The following OLA1 variants were observed in gnomAD, a reference collection of about 807,000 sequenced individuals.
OLA1 encodes obg-like ATPase 1.
OLA1 carries 14 observed loss-of-function variants against 48.4 expected under a neutral mutation model. That is an observed-to-expected ratio of 0.29 (90% CI 0.19 to 0.45). OLA1 has a LOEUF of 0.45. Among genes scored for constraint, OLA1 ranks in the 20% least tolerant of loss-of-function variants. The probability of loss-of-function intolerance (pLI) is 1.00; values close to 1 mark genes in which losing one functional copy is unlikely to be tolerated. For synonymous variants in OLA1, 127 were observed against 150.4 expected (o/e 0.84, Z 1.14); for missense variants, 325 against 467.1 (o/e 0.70, Z 2.80).
chr2:174,181,971 T>C (rs1687553764), intron 4 of OLA1, among the ~76,000 whole-genome samples: 2 of 152,226 alleles, frequency 1.3e-5, no homozygotes, highest in African/African-American at 2.4e-5. Flanking sequence ...GTTTCATTTG[T>C]TCACTATCAT....
intron 4 of OLA1, among the ~76,000 whole-genome samples, chr2:174,179,092 CTTAAG>C (rs750824321): frequency 3.3e-5 from 5 of 151,750 alleles, no homozygotes; most frequent in African/African-American, 4.8e-5. Context: ...AAAGATAATG[CTTAAG>C]TTAAAAGGAT....
intron 4 of OLA1, among the ~76,000 whole-genome samples, chr2:174,178,468 T>A (rs1405872270): frequency 6.6e-6 from 1 of 152,110 alleles, no homozygotes; most frequent in Admixed American, 6.5e-5. Flanking sequence ...CCTCAGTGAT[T>A]TGGAAAAGTA....
intron 5 of OLA1, among the ~76,000 whole-genome samples, chr2:174,137,740 T>C (rs1400309984): frequency 1.3e-5 from 2 of 152,250 alleles, no homozygotes; most frequent in East Asian, 1.9e-4. Flanking sequence ...ACTTTTCTTC[T>C]GCAGCTTCCT....
At chr2:174,122,922 T>C (rs1030198556) in intron 7 of OLA1, among the ~76,000 whole-genome samples, 1 of 152,162 alleles carries the variant, frequency 6.6e-6, no homozygotes, top group Non-Finnish European at 1.5e-5. Flanking sequence ...TAATGTCTAA[T>C]AAACTTACAT....
At chr2:174,144,056 A>G (rs1686522872) in intron 4 of OLA1, among the ~76,000 whole-genome samples, 1 of 152,192 alleles carries the variant, frequency 6.6e-6, no homozygotes. Context: ...AGCCATGATC[A>G]TGCCACTACA....
At chr2:174,095,065 G>A (rs895699733) in intron 7 of OLA1, among the ~76,000 whole-genome samples, 2 of 152,084 alleles carry the variant, frequency 1.3e-5, no homozygotes, top group Admixed American at 6.5e-5. Context: ...ATGGATATTT[G>A]GGTTGCTTCT....
At chr2:174,190,506 G>T (rs549438604) in intron 4 of OLA1, among the ~76,000 whole-genome samples, 45 of 151,708 alleles carry the variant, frequency 3.0e-4, no homozygotes, top group African/African-American at 1.1e-3. Flanking sequence ...CAAATATTGG[G>T]TTATTTGAAA....
intron 7 of OLA1, among the ~76,000 whole-genome samples, chr2:174,095,325 G>GTTTTTTTTTTTTTTTTTTTTTTTTTTT (rs1205716344): frequency 3.5e-4 from 27 of 78,010 alleles, no homozygotes; most frequent in African/African-American, 8.4e-4. Context: ...GTTATTTCCT[G>GTTTTTTTTTTTTTTTTTTTTTTTTTTT]TTTTTTTTTT....
At chr2:174,111,592 T>C (rs1262125940) in intron 7 of OLA1, among the ~76,000 whole-genome samples, 4 of 152,166 alleles carry the variant, frequency 2.6e-5, no homozygotes, top group Non-Finnish European at 4.4e-5. Flanking sequence ...CATGTACATA[T>C]ACATATACAT....
At chr2:174,138,157 C>T (rs552507716) in intron 5 of OLA1, among the ~76,000 whole-genome samples, 18 of 152,262 alleles carry the variant, frequency 1.2e-4, no homozygotes, top group Non-Finnish European at 5.9e-5. Context: ...ACCTGGCTTT[C>T]AGCCTATCTT....
intron 7 of OLA1, among the ~76,000 whole-genome samples, chr2:174,100,391 G>A (rs908929907): frequency 6.6e-6 from 1 of 152,040 alleles, no homozygotes; most frequent in African/African-American, 2.4e-5. Context: ...TACCTAGTAG[G>A]AAACAAGGAG....
chr2:174,225,234 CT>C (rs1688590217), intron 3 of OLA1, among the ~76,000 whole-genome samples: 1 of 152,142 alleles, frequency 6.6e-6, no homozygotes, highest in African/African-American at 2.4e-5. Flanking sequence ...ACCCACTCCC[CT>C]TTTCATCTTC....
At chr2:174,182,614 A>C (rs1309127127) in intron 4 of OLA1, among the ~76,000 whole-genome samples, 1 of 152,228 alleles carries the variant, frequency 6.6e-6, no homozygotes, top group Non-Finnish European at 1.5e-5. Context: ...GAAGGTGCAC[A>C]CATATGACAG....
intron 3 of OLA1, among the ~76,000 whole-genome samples, chr2:174,228,679 T>A (rs1174032523): frequency 1.3e-5 from 2 of 152,160 alleles, no homozygotes; most frequent in Non-Finnish European, 2.9e-5. Context: ...AAAAATCACC[T>A]AAAAATTCTA....
At chr2:174,185,598 C>G (rs1470632081) in intron 4 of OLA1, among the ~76,000 whole-genome samples, 1 of 151,988 alleles carries the variant, frequency 6.6e-6, no homozygotes, top group East Asian at 1.9e-4. Flanking sequence ...CTCTACAGTA[C>G]TTAATAAAGA....
intron 2 of OLA1, among the ~76,000 whole-genome samples, chr2:174,241,401 CT>C (rs200243209): frequency 6.6e-6 from 1 of 151,982 alleles, no homozygotes; most frequent in Admixed American, 6.6e-5. Flanking sequence ...GTGATTTTTT[CT>C]TTTTTTTAGC....
chr2:174,102,866 CA>C (rs1315570454), intron 7 of OLA1, among the ~76,000 whole-genome samples: 3 of 152,108 alleles, frequency 2.0e-5, no homozygotes, highest in Admixed American at 1.3e-4. Context: ...TGTTTATTTT[CA>C]AAAACTCAAT....
At chr2:174,108,679 G>A (rs1033719464) in intron 7 of OLA1, among the ~76,000 whole-genome samples, 2 of 152,096 alleles carry the variant, frequency 1.3e-5, no homozygotes, top group African/African-American at 4.8e-5. Context: ...ATGCTGTCTT[G>A]GATGACAGCT....
intron 4 of OLA1, among the ~76,000 whole-genome samples, chr2:174,147,719 C>G (rs1271881785): frequency 1.3e-5 from 2 of 152,210 alleles, no homozygotes; most frequent in African/African-American, 2.4e-5. Flanking sequence ...AAGTGAGCTA[C>G]TGAGTAATTT....
Sources: gnomAD v4.1 joint callset for allele counts (sites outside exome capture counted in the v4.1 genomes callset) on GRCh38, gnomAD v4.1.1 for gene constraint, MANE v1.5 for transcripts, NCBI Gene and HGNC (gene_info 2026-07-23, HGNC 2026-07-21) for gene names.